Variants in MAN1A1 observed in about 807,000 individuals in gnomAD.
The protein encoded by MAN1A1 is mannosidase alpha class 1A member 1.
A neutral mutation model predicts 70.8 loss-of-function variants in MAN1A1; 29 were observed. That is an observed-to-expected ratio of 0.41 (90% confidence interval 0.31 to 0.56). The LOEUF (loss-of-function observed/expected upper bound fraction) is 0.56, where lower values mean the gene tolerates loss of function less well. Ranked by LOEUF, MAN1A1 falls within the 20% of genes least tolerant of loss-of-function variation. MAN1A1 has a pLI of 0.29. For missense variants in MAN1A1, 747 were observed against 841.3 expected (o/e 0.89, Z 1.39); for synonymous variants, 349 against 330.1 (o/e 1.06, Z -0.62).
At chr6:119,326,901 T>C (rs907782566) in intron 2 of MAN1A1, among the ~76,000 whole-genome samples, 1 of 152,222 alleles carries the variant, frequency 6.6e-6, no homozygotes, top group African/African-American at 2.4e-5. Context: ...GATTTACCAC[T>C]GACTGTTGAG....
intron 7 of MAN1A1, among the ~76,000 whole-genome samples, chr6:119,203,293 T>C (rs992592358): frequency 3.9e-5 from 6 of 151,926 alleles, no homozygotes; most frequent in African/African-American, 1.2e-4. Flanking sequence ...GAGCAGAATA[T>C]TAAAGAAGTG....
At chr6:119,241,187 ACT>A (rs1413323323) in intron 6 of MAN1A1, among the ~76,000 whole-genome samples, 1 of 152,202 alleles carries the variant, frequency 6.6e-6, no homozygotes, top group Admixed American at 6.5e-5. Flanking sequence ...GGACATGCAA[ACT>A]CTGTTTGGGT....
chr6:119,281,864 T>C (rs972630272), intron 5 of MAN1A1, among the ~76,000 whole-genome samples: 3 of 151,876 alleles, frequency 2.0e-5, no homozygotes, highest in African/African-American at 7.3e-5. Flanking sequence ...GAGACCAGCC[T>C]GGCCAACATG....
chr6:119,318,415 C>T (rs1772912092), intron 2 of MAN1A1, among the ~76,000 whole-genome samples: 1 of 152,254 alleles, frequency 6.6e-6, no homozygotes, highest in African/African-American at 2.4e-5. Flanking sequence ...GAGTCTGAAG[C>T]CTAACATATA....
chr6:119,212,772 C>T (rs1207391223), intron 6 of MAN1A1, among the ~76,000 whole-genome samples: 5 of 152,194 alleles, frequency 3.3e-5, no homozygotes, highest in Admixed American at 1.3e-4. Context: ...ATATGAAACA[C>T]ACTGATATCT....
chr6:119,278,376 T>C lies in MAN1A1; in HGVS notation c.897+12307A>G, dbSNP rs910023166. On this transcript the variant is annotated intron_variant, in intron 5 of 12. Coordinates refer to ENST00000368468, the MANE Select transcript of MAN1A1 (RefSeq NM_005907.4). ...TGACTTACTTCTTAAGGCTCTAGAG[T>C]CATAATGTTTGTTCAACAATCACAT... Among the ~76,000 whole-genome samples the C allele has an allele frequency of 2.6e-5, 4 of 152,148 alleles. No homozygotes were observed. In the South Asian group the frequency reaches 6.2e-4, roughly 24 times the overall value.
At chr6:119,223,117 C>G (rs1774411920) in intron 6 of MAN1A1, among the ~76,000 whole-genome samples, 1 of 151,782 alleles carries the variant, frequency 6.6e-6, no homozygotes, top group Non-Finnish European at 1.5e-5. Context: ...AATATTCATT[C>G]TAAAATATTT....
intron 2 of MAN1A1, among the ~76,000 whole-genome samples, chr6:119,317,699 A>G (rs2114470931): frequency 6.6e-6 from 1 of 152,312 alleles, no homozygotes; most frequent in South Asian, 2.1e-4. Flanking sequence ...TTATGAATAA[A>G]GCTGTTAAAG....
At chr6:119,291,189 T>A (rs1312912559) in intron 4 of MAN1A1, among the ~76,000 whole-genome samples, 2 of 151,902 alleles carry the variant, frequency 1.3e-5, no homozygotes, top group Non-Finnish European at 2.9e-5. Flanking sequence ...TCTCACAAGA[T>A]CTGATGGTTT....
chr6:119,335,848 G>C (rs1033461682), intron 2 of MAN1A1, among the ~76,000 whole-genome samples: 1 of 152,240 alleles, frequency 6.6e-6, no homozygotes, highest in African/African-American at 2.4e-5. Flanking sequence ...GGAAGTAACA[G>C]AGATACAACT....
chr6:119,276,788 C>T (rs867941283), intron 5 of MAN1A1, among the ~76,000 whole-genome samples: 10 of 152,072 alleles, frequency 6.6e-5, no homozygotes, highest in African/African-American at 2.4e-4. Flanking sequence ...ATTGTTTTGT[C>T]AATAACTAAA....
At chr6:119,289,441 T>C (rs1039296206) in intron 5 of MAN1A1, among the ~76,000 whole-genome samples, 2 of 145,058 alleles carry the variant, frequency 1.4e-5, no homozygotes, top group Non-Finnish European at 3.0e-5. Context: ...TTTAAAAATA[T>C]AGGGTTTTAG....
intron 6 of MAN1A1, among the ~76,000 whole-genome samples, chr6:119,206,136 C>T (rs929399678): frequency 6.6e-6 from 1 of 152,094 alleles, no homozygotes; most frequent in African/African-American, 2.4e-5. Flanking sequence ...GGAGAACACA[C>T]GAGCAGAGGG....
intron 5 of MAN1A1, among the ~76,000 whole-genome samples, chr6:119,262,462 A>C (rs1775637375): frequency 6.6e-6 from 1 of 152,174 alleles, no homozygotes; most frequent in Non-Finnish European, 1.5e-5. Context: ...AAAAGTAAAA[A>C]AAAAAATAAA....
intron 5 of MAN1A1, among the ~76,000 whole-genome samples, chr6:119,277,736 A>G (rs565374424): frequency 3.6e-4 from 54 of 151,992 alleles, no homozygotes; most frequent in African/African-American, 1.3e-3. Context: ...GGAGATGGAG[A>G]CCATCCTGGT....
At chr6:119,191,813 A>G (rs1773450006) in intron 9 of MAN1A1, among the ~76,000 whole-genome samples, 1 of 152,214 alleles carries the variant, frequency 6.6e-6, no homozygotes, top group African/African-American at 2.4e-5. Context: ...CAGAGTAGCC[A>G]TATCTTCAGT....
In MAN1A1 at chr6:119,193,348, C is replaced by T. The variant is rs765372766; in HGVS notation, c.1326+429G>A. On this transcript the variant is annotated intron_variant, in intron 9 of 12. Transcript: ENST00000368468. ...TGTTCAGATTTTTATGTGTGGATTTCCTTAGAGTACTGTCCATTTATCTCT... is the reference window on the plus strand; with the variant it reads ...TGTTCAGATTTTTATGTGTGGATTTTCTTAGAGTACTGTCCATTTATCTCT... 2.6e-5 allele frequency among the ~76,000 whole-genome samples: 4 copies of T among 152,246 alleles called. No individual in the cohort carries two copies. In the South Asian group the frequency reaches 6.2e-4, roughly 24 times the overall value.
chr6:119,244,936 C>G (rs780442489), intron 6 of MAN1A1, among the ~76,000 whole-genome samples: 1 of 152,060 alleles, frequency 6.6e-6, no homozygotes, highest in Non-Finnish European at 1.5e-5. Context: ...AGGAGAGACT[C>G]AAATAAATGC....
At chr6:119,204,066 G>C (rs1582693658) in intron 7 of MAN1A1, among the ~76,000 whole-genome samples, 3 of 152,290 alleles carry the variant, frequency 2.0e-5, no homozygotes, top group Middle Eastern at 6.8e-3. Context: ...CAAACTGGGA[G>C]AGTATTACAT....
Sources: gnomAD v4.1 joint callset for allele counts (sites outside exome capture counted in the v4.1 genomes callset) on GRCh38, gnomAD v4.1.1 for gene constraint, MANE v1.5 for transcripts, NCBI Gene and HGNC (gene_info 2026-07-23, HGNC 2026-07-21) for gene names.